The following SH3TC2 variants were observed in gnomAD, a reference collection of about 807,000 sequenced individuals.
SH3TC2 encodes the protein SH3 domain and tetratricopeptide repeat-containing protein 2.
Under a neutral mutation model 124.5 loss-of-function variants are expected in SH3TC2, and 87 were observed. That is an observed-to-expected ratio of 0.70 (90% CI 0.59 to 0.84). The LOEUF is 0.84. Ranked by LOEUF, SH3TC2 falls within the 40% of genes least tolerant of loss-of-function variation. SH3TC2 has a pLI of 0.00. For synonymous variants in SH3TC2, 634 were observed against 628.5 expected (o/e 1.01, Z -0.13); for missense variants, 1,536 against 1,566.4 (o/e 0.98, Z 0.33).
chr5:149,031,476 A>G, intron 9 of SH3TC2, 78 bp downstream of exon 9: 1 of 1,590,526 alleles, frequency 6.3e-7, no homozygotes. Context: ...ATTTAGGGGT[A>G]TTCTATTCCT....
rs773891805 is a variant in SH3TC2 at position 149,006,936 on chromosome 5, A to G, written c.3620T>C (p.Leu1207Pro). The stretch of plus-strand genomic sequence containing the variant: ...GCGATAATACACCTTGGCATAGTAC[A>G]GGGCCTCCTTGGGACTCTGCAGCCA... ...PPWLQSPKEALYYAKVYYRLG... is the reference protein window; with the variant it reads ...PPWLQSPKEAPYYAKVYYRLG... The change falls in exon 16 of 17, where the codon CTG (leucine) becomes CCG (proline). Residue 1207 changes from leucine (L) to proline (P), a missense_variant. Physicochemically the swap from Leu to Pro is moderately conservative, Grantham distance 98. Around this residue, in one of 3 missense-constraint regions of SH3TC2, gnomAD observed 426 missense variants for 443.5 expected, o/e 0.96. Transcript: ENST00000515425. The G allele has an allele frequency of 6.2e-7, 1 of 1,614,128 alleles. No homozygotes were observed.
intron 8 of SH3TC2, chr5:149,035,792 A>AG (rs564920389): frequency 1.3e-3 from 198 of 152,316 alleles, no homozygotes; most frequent in African/African-American, 4.5e-3. Context: ...TCAGTGTGAG[A>AG]GGACCCCTTA....
intron 1 of SH3TC2, 86 bp downstream of exon 1, chr5:149,062,885 T>C (rs1754778186): frequency 1.5e-6 from 2 of 1,324,280 alleles, no homozygotes; most frequent in Admixed American, 2.0e-5. Flanking sequence ...GGGAGAAAAG[T>C]TTCTCCAACC....
chr5:149,029,603 T>C (rs1754147856), intron 9 of SH3TC2, among the ~76,000 whole-genome samples: 1 of 151,814 alleles, frequency 6.6e-6, no homozygotes, highest in African/African-American at 2.4e-5. Flanking sequence ...AGTTTGTTAA[T>C]AAGCCTGGGC....
chr5:149,014,737 C>T (rs1479002376), intron 12 of SH3TC2, among the ~76,000 whole-genome samples: 1 of 152,206 alleles, frequency 6.6e-6, no homozygotes, highest in Non-Finnish European at 1.5e-5. Flanking sequence ...GATCACCAAC[C>T]TCCTCAGCTC....
chr5:149,033,830 A>C (rs189851866), intron 8 of SH3TC2, among the ~76,000 whole-genome samples: 17 of 152,346 alleles, frequency 1.1e-4, no homozygotes, highest in Admixed American at 2.6e-4. Flanking sequence ...AATAGTAAAA[A>C]ATCAGTCCTG....
chr5:148,996,145 G>A lies in SH3TC2; in HGVS notation c.*8566C>T, dbSNP rs1431780338. On this transcript the variant is annotated 3_prime_UTR_variant, in exon 17 of 17. Coordinates refer to ENST00000515425, the MANE Select transcript of SH3TC2 (RefSeq NM_024577.4). ...TACATGCCTGTAGTCCCAGCTACTC[G>A]GGAGGCTGAAGTGGGAGGATCACCC... Among the ~76,000 whole-genome samples, 2 of 151,780 alleles carry A rather than the reference G, an allele frequency of 1.3e-5. No individual in the cohort carries two copies. The highest frequency in any genetic ancestry group is 2.4e-5 in the African/African-American group (1 of 41,286).
Position 149,041,399 on chromosome 5 carries a change from G to T in SH3TC2, c.731+17C>A, listed in dbSNP as rs1188522082. The T allele has an allele frequency of 6.2e-7, 1 of 1,611,808 alleles. No homozygotes were observed. The highest frequency in any genetic ancestry group is 1.3e-5 in the African/African-American group (1 of 74,982). Reference sequence around the variant, plus strand: ...TCTGCTCTGGGACTTGCTCCCAGGAGGCAGATGGCTACTCACTGGTGGAAA... The same window carrying T: ...TCTGCTCTGGGACTTGCTCCCAGGATGCAGATGGCTACTCACTGGTGGAAA... On this transcript the variant is annotated intron_variant, in intron 6 of 16. Transcript: ENST00000515425.
rs1250490346 is a variant in SH3TC2, at chr5:149,000,390, A to G, written c.*4321T>C. On this transcript the variant is annotated 3_prime_UTR_variant, in exon 17 of 17. Transcript: ENST00000515425. ...TTATTAATCTCTCTGTTTTCAAACA[A>G]TGCCAGATAAGGCCTAGGCTGGGTG... 6.6e-6 allele frequency among the ~76,000 whole-genome samples: 1 copy of G among 152,226 alleles called. No homozygotes were observed. Among genetic ancestry groups the G allele is most frequent in the African/African-American group, 2.4e-5 (1 of 41,458 alleles).
At chr5:149,028,794 G>A (rs1423126537) in intron 9 of SH3TC2, 76 bp from the exon 10 acceptor site, 2 of 1,477,202 alleles carry the variant, frequency 1.4e-6, no homozygotes, top group Middle Eastern at 1.7e-4. Flanking sequence ...GTGTACCCCA[G>A]ATCAGTGGCC....
At chr5:149,022,586 A>G (rs1345345440) in intron 12 of SH3TC2, among the ~76,000 whole-genome samples, 1 of 152,242 alleles carries the variant, frequency 6.6e-6, no homozygotes, top group South Asian at 2.1e-4. Context: ...AAATTTGTTC[A>G]TGAATGTTCA....
rs989141587 is a variant in SH3TC2, at chr5:148,991,155, T to C, written c.*13556A>G. Among the ~76,000 whole-genome samples the C allele has an allele frequency of 6.6e-6, 1 of 152,154 alleles. No individual in the cohort carries two copies. Among genetic ancestry groups the C allele is most frequent in the African/African-American group, 2.4e-5 (1 of 41,424 alleles). Reference sequence around the variant, plus strand: ...AGGAACATTCACAGCAAAAGACCAATAACTACACATGGGGTAGAAATTAAC... The same window carrying C: ...AGGAACATTCACAGCAAAAGACCAACAACTACACATGGGGTAGAAATTAAC... On this transcript the variant is annotated 3_prime_UTR_variant, in exon 17 of 17. Coordinates refer to ENST00000515425, the MANE Select transcript of SH3TC2 (RefSeq NM_024577.4).
rs1306606136 is a variant in SH3TC2 at position 148,991,967 on chromosome 5, G to A, written c.*12744C>T. The stretch of plus-strand genomic sequence containing the variant: ...CAGAGAGCAACCCTAACATGTGTTG[G>A]GTGACCATGGGTAAGGCTTTCCCTT... On this transcript the variant is annotated 3_prime_UTR_variant, in exon 17 of 17. Transcript: ENST00000515425. Among the ~76,000 whole-genome samples, 1 of 151,962 alleles carries A rather than the reference G, an allele frequency of 6.6e-6. No homozygotes were observed. Among genetic ancestry groups the A allele is most frequent in the Non-Finnish European group, 1.5e-5 (1 of 68,022 alleles).
Position 149,026,752 on chromosome 5 carries a change from C to A in SH3TC2, c.2873G>T (p.Ser958Ile), listed in dbSNP as rs1205847384. The A allele has an allele frequency of 6.2e-7, 1 of 1,614,012 alleles. No homozygotes were observed. ...GAGGGATTTGGTGGCCTGAAGCTGACCTGAACACAAAGCAGGGACATGAAT... is the reference window on the plus strand; with the variant it reads ...GAGGGATTTGGTGGCCTGAAGCTGAACTGAACACAAAGCAGGGACATGAAT... Reference protein sequence around the residue: ...LFGLRHRHLKSQLQATKSLCH... With the variant: ...LFGLRHRHLKIQLQATKSLCH... Residue 958 changes from serine (S) to isoleucine (I), a missense_variant and splice_region_variant, in exon 12 of 17, where the codon AGT becomes ATT. Physicochemically the swap from Ser to Ile is moderately radical, Grantham distance 142. Coordinates refer to ENST00000515425, the MANE Select transcript of SH3TC2 (RefSeq NM_024577.4).
At chr5:149,010,733 G>A (rs1196528398) in intron 13 of SH3TC2, among the ~76,000 whole-genome samples, 6 of 152,080 alleles carry the variant, frequency 3.9e-5, no homozygotes, top group East Asian at 1.9e-4. Flanking sequence ...AGATAGTATT[G>A]TGTAGAATAA....
rs1012460598 is a variant in SH3TC2 at position 149,004,358 on chromosome 5, C to T, written c.*353G>A. The T allele has an allele frequency of 3.5e-6, 1 of 282,172 alleles. No homozygotes were observed. The allele number at this position is 282,172 out of a possible 1,614,324, so 17.5% of individuals were successfully genotyped here. A position where few individuals can be genotyped will look rare whatever the true frequency, so the allele number is the denominator to read the frequency against. On this transcript the variant is annotated 3_prime_UTR_variant, in exon 17 of 17. Transcript: ENST00000515425. ...GCTTGCCTTTGCACCAGTGCAGTGA[C>T]TGATTTCCTCATTGGGGGAGGAAGG...
chr5:149,055,656 T>G (rs1423276859), intron 1 of SH3TC2, among the ~76,000 whole-genome samples: 2 of 152,182 alleles, frequency 1.3e-5, no homozygotes, highest in Non-Finnish European at 2.9e-5. Context: ...ATGCATGCAC[T>G]AAGACCAAAA....
Position 149,052,191 on chromosome 5 carries a change from G to C in SH3TC2, c.102C>G (p.Ala34=). The C allele has an allele frequency of 6.2e-7, 1 of 1,613,724 alleles. No homozygotes were observed. Among genetic ancestry groups the C allele is most frequent in the Non-Finnish European group, 8.5e-7 (1 of 1,179,698 alleles). Reference sequence around the variant, plus strand: ...AACATTTTTCCTTGTATTCAGATGAGGCTATACACTCACTCGATACAGTTG... The same window carrying C: ...AACATTTTTCCTTGTATTCAGATGACGCTATACACTCACTCGATACAGTTG... ...KDPTVSSECI[A]SSEYKEKCFL... is the part of the protein sequence containing the mutation. The change falls in exon 2 of 17, where the codon GCC becomes GCG. Residue 34 remains alanine (A), a synonymous_variant. Coordinates refer to ENST00000515425, the MANE Select transcript of SH3TC2 (RefSeq NM_024577.4).
chr5:149,041,636 G>A lies in SH3TC2; in HGVS notation c.530-19C>T. On this transcript the variant is annotated intron_variant, in intron 5 of 16. Coordinates refer to ENST00000515425, the MANE Select transcript of SH3TC2 (RefSeq NM_024577.4). The stretch of plus-strand genomic sequence containing the variant: ...AAGTGGCCTGTGGATAATGAGAAAA[G>A]CAATGGCTTTCTAAGGAGTAGCAGG... The A allele has an allele frequency of 6.2e-7, 1 of 1,612,892 alleles. No homozygotes were observed. Among genetic ancestry groups the A allele is most frequent in the African/African-American group, 1.3e-5 (1 of 75,020 alleles).
Sources: gnomAD v4.1 joint callset for allele counts (sites outside exome capture counted in the v4.1 genomes callset) on GRCh38, gnomAD v4.1.1 for gene constraint, gnomAD v4.1.1 regional missense constraint, MANE v1.5 for transcripts, NCBI Gene and HGNC (gene_info 2026-07-23, HGNC 2026-07-21) for gene names.